Variants in AGO3 observed in about 807,000 individuals in gnomAD.
The protein encoded by AGO3 is protein argonaute-3.
Under a neutral mutation model 105.5 loss-of-function variants are expected in AGO3, and 16 were observed. The observed-to-expected ratio is 0.15, with a 90% CI of 0.10 to 0.23. The LOEUF is 0.23. Among genes scored for constraint, AGO3 ranks in the 10% least tolerant of loss-of-function variants. The pLI, the probability that AGO3 is intolerant of heterozygous loss-of-function variation, is 1.00. For synonymous variants in AGO3, 340 were observed against 367.3 expected, an observed-to-expected ratio of 0.93 and a Z score of 0.85; for missense variants, 534 against 1,088.0, an observed-to-expected ratio of 0.49 and a Z score of 7.16.
At chr1:35,986,361 G>C (rs956709725) in intron 5 of AGO3, among the ~76,000 whole-genome samples, 9 of 152,170 alleles carry the variant, frequency 5.9e-5, no homozygotes, top group African/African-American at 2.2e-4. Context: ...TTAAATAAAT[G>C]AACCAGATCT....
intron 2 of AGO3, among the ~76,000 whole-genome samples, chr1:35,950,425 T>G (rs917231641): frequency 1.3e-5 from 2 of 152,198 alleles, no homozygotes; most frequent in Admixed American, 6.5e-5. Flanking sequence ...AGTTGGAGTC[T>G]TCTTAGACAC....
At chr1:35,945,538 T>G (rs1646347831) in intron 1 of AGO3, among the ~76,000 whole-genome samples, 154 bp from the exon 2 acceptor site, 1 of 152,196 alleles carries the variant, frequency 6.6e-6, no homozygotes, top group Non-Finnish European at 1.5e-5. Context: ...AAATCTGGGG[T>G]GACAGAAGTT....
chr1:36,036,032 CAAA>C (rs11312730), intron 13 of AGO3, 142 bp from the exon 14 acceptor site: 13,046 of 345,952 alleles, frequency 0.038, no homozygotes, highest in South Asian at 0.053. Context: ...GACTCCGTCT[CAAA>C]AAAAAAAAAA....
At chr1:36,044,368 A>G (rs1642372726) in intron 17 of AGO3, among the ~76,000 whole-genome samples, 1 of 151,766 alleles carries the variant, frequency 6.6e-6, no homozygotes, top group Non-Finnish European at 1.5e-5. Flanking sequence ...AAAAAATTTA[A>G]TTGTAGAATT....
intron 5 of AGO3, among the ~76,000 whole-genome samples, chr1:35,996,159 T>TA (rs1553165022): frequency 1.3e-5 from 2 of 151,308 alleles, no homozygotes; most frequent in Non-Finnish European, 3.0e-5. Context: ...GGCAACATAG[T>TA]AAAAAAATTT....
chr1:35,967,947 T>A (rs1646803840), intron 3 of AGO3, among the ~76,000 whole-genome samples: 1 of 152,224 alleles, frequency 6.6e-6, no homozygotes, highest in Non-Finnish European at 1.5e-5. Flanking sequence ...AGCCTTTTTT[T>A]ATCCTTCATG....
chr1:36,000,226 A>G (rs1164949606), intron 5 of AGO3, among the ~76,000 whole-genome samples: 1 of 152,202 alleles, frequency 6.6e-6, no homozygotes, highest in East Asian at 1.9e-4. Flanking sequence ...TAGGTTTATT[A>G]AATATTAAGA....
intron 17 of AGO3, among the ~76,000 whole-genome samples, chr1:36,047,650 TG>T (rs1557712396): frequency 6.6e-6 from 1 of 152,018 alleles, no homozygotes; most frequent in Non-Finnish European, 1.5e-5. Context: ...GAGGCCAAGG[TG>T]GGCAGACCGC....
At chr1:36,002,364 C>G (rs1345917132) in intron 5 of AGO3, among the ~76,000 whole-genome samples, 1 of 140,696 alleles carries the variant, frequency 7.1e-6, no homozygotes, top group Non-Finnish European at 1.5e-5. Flanking sequence ...GAATCTCACT[C>G]TGTCACCCAG....
At chr1:36,010,915 AAAAG>A (rs1481361435) in intron 9 of AGO3, among the ~76,000 whole-genome samples, 31 of 151,866 alleles carry the variant, frequency 2.0e-4, no homozygotes, top group African/African-American at 4.3e-4. Flanking sequence ...AAAAAAAAAA[AAAAG>A]AGAGAGAGAG....
chr1:35,939,747 T>C (rs1402778592), intron 1 of AGO3, among the ~76,000 whole-genome samples: 1 of 152,166 alleles, frequency 6.6e-6, no homozygotes, highest in African/African-American at 2.4e-5. Context: ...CTCTCTTTTT[T>C]ATGATATTTT....
At position 36,009,471 on chromosome 1, in the gene AGO3, G is replaced by T. The variant is rs1458706321; in HGVS notation, c.1030-4G>T. On this transcript the variant is annotated splice_region_variant and splice_polypyrimidine_tract_variant and intron_variant, in intron 8 of 18. Transcript: ENST00000373191. ...TGTAGTACAAAACTTTTTTCCATTT[G>T]TAGGTCTGTAATATTGTGGCAGGGC... 5 of 1,603,572 alleles carry T rather than the reference G, an allele frequency of 3.1e-6. No individual in the cohort carries two copies. Among genetic ancestry groups the T allele is most frequent in the Admixed American group, 1.8e-5 (1 of 56,848 alleles).
intron 11 of AGO3, among the ~76,000 whole-genome samples, chr1:36,025,883 C>G (rs1430902265): frequency 6.6e-6 from 1 of 151,884 alleles, no homozygotes; most frequent in African/African-American, 2.4e-5. Flanking sequence ...ACTAAAAATA[C>G]AAAAATTAGC....
At chr1:36,048,118 G>T (rs1018749603) in intron 17 of AGO3, among the ~76,000 whole-genome samples, 1 of 151,944 alleles carries the variant, frequency 6.6e-6, no homozygotes, top group Non-Finnish European at 1.5e-5. Context: ...AACCTTATAG[G>T]CCTGGAGAGA....
intron 5 of AGO3, among the ~76,000 whole-genome samples, chr1:35,991,061 T>C (rs549905511): frequency 3.8e-4 from 58 of 152,248 alleles, no homozygotes; most frequent in South Asian, 6.2e-4. Flanking sequence ...CTACCACTTA[T>C]GGGAGGCCGA....
chr1:36,033,775 T>A (rs1355063274), intron 12 of AGO3, among the ~76,000 whole-genome samples: 1 of 152,074 alleles, frequency 6.6e-6, no homozygotes, highest in Non-Finnish European at 1.5e-5. Flanking sequence ...GATAAGAGAA[T>A]AGGATTGAAA....
Position 36,065,497 on chromosome 1 carries a change from A to G in AGO3, c.*9752A>G, listed in dbSNP as rs559219727. The G allele has an allele frequency of 6.6e-6, 1 of 152,438 alleles. No homozygotes were observed. Among genetic ancestry groups the G allele is most frequent in the African/African-American group, 2.4e-5 (1 of 41,540 alleles). The allele number at this position is 152,438 out of a possible 1,614,324, so 9.4% of individuals were successfully genotyped here. The stretch of plus-strand genomic sequence containing the variant: ...GTGGCACACGCCTGTAGTCCCAGCT[A>G]CTTGGGAGGCTGAGGCAGGAGAATC... On this transcript the variant is annotated 3_prime_UTR_variant, in exon 19 of 19. Transcript: ENST00000373191.
At chr1:36,011,395 A>G (rs1640606261) in intron 9 of AGO3, among the ~76,000 whole-genome samples, 1 of 152,136 alleles carries the variant, frequency 6.6e-6, no homozygotes, top group African/African-American at 2.4e-5. Context: ...AGAGTCAAAG[A>G]AAGTTATTAC....
intron 11 of AGO3, among the ~76,000 whole-genome samples, chr1:36,023,081 C>G (rs1641323949): frequency 6.6e-6 from 1 of 152,228 alleles, no homozygotes; most frequent in African/African-American, 2.4e-5. Flanking sequence ...TCCAAGGCCT[C>G]TAACTGAATC....
Sources: allele counts gnomAD v4.1 joint callset (sites outside exome capture counted in the v4.1 genomes callset), GRCh38; gene constraint gnomAD v4.1.1; transcripts MANE v1.5; gene names NCBI Gene and HGNC (gene_info 2026-07-23, HGNC 2026-07-21).